Variants in PLAAT4 observed in about 807,000 individuals in gnomAD.
PLAAT4 encodes phospholipase A and acyltransferase 4, also known as HRAS-like suppressor 4.
PLAAT4 carries 12 observed loss-of-function variants against 14.1 expected under a neutral mutation model. The ratio of observed to expected loss-of-function variants is 0.85; its 90% CI spans 0.54 to 1.37. The LOEUF (loss-of-function observed/expected upper bound fraction) is 1.37, where lower values mean the gene tolerates loss of function less well. PLAAT4 is among the 40% of genes most tolerant of loss of function. The pLI, the probability that PLAAT4 is intolerant of heterozygous loss-of-function variation, is 0.00. For missense variants in PLAAT4, 163 were observed against 211.7 expected (o/e 0.77, Z 1.43); for synonymous variants, 77 against 79.8 (o/e 0.96, Z 0.19).
In PLAAT4 at chr11:63,546,392, C is replaced by A; in HGVS notation, c.*136C>A. On this transcript the variant is annotated 3_prime_UTR_variant, in exon 4 of 4. Coordinates refer to ENST00000255688, the MANE Select transcript of PLAAT4 (RefSeq NM_004585.5). Reference sequence around the variant, plus strand: ...GATCCTTTCCTCTGTTTCCCTCTCTCGCTGGCAAAAGTATGATCTAATTGA... The same window carrying A: ...GATCCTTTCCTCTGTTTCCCTCTCTAGCTGGCAAAAGTATGATCTAATTGA... 2.7e-6 allele frequency: 2 copies of A among 741,628 alleles called. No homozygotes were observed. Among genetic ancestry groups the A allele is most frequent in the African/African-American group, 3.5e-5 (2 of 56,800 alleles). The allele number at this position is 741,628 out of a possible 1,614,324, so 45.9% of individuals were successfully genotyped here. A position where few individuals can be genotyped will look rare whatever the true frequency, so the allele number is the denominator to read the frequency against.
intron 3 of PLAAT4, 76 bp from the exon 4 acceptor site, chr11:63,546,073 G>GT: frequency 1.7e-6 from 2 of 1,193,252 alleles, no homozygotes; most frequent in Admixed American, 3.4e-5. Flanking sequence ...AGGGAGAGGA[G>GT]TTCCAGGCCC....
At chr11:63,539,786 AC>A in intron 2 of PLAAT4, among the ~76,000 whole-genome samples, 162 bp downstream of exon 2, 1 of 152,218 alleles carries the variant, frequency 6.6e-6, no homozygotes, top group South Asian at 2.1e-4. Context: ...ACATGGAGAA[AC>A]CCCATCTCTA....
Sources: gnomAD v4.1 joint callset for allele counts (sites outside exome capture counted in the v4.1 genomes callset) on GRCh38, gnomAD v4.1.1 for gene constraint, MANE v1.5 for transcripts, NCBI Gene and HGNC (gene_info 2026-07-23, HGNC 2026-07-21) for gene names.